The following ZNF717 variants were observed in gnomAD, a reference collection of about 807,000 sequenced individuals.
ZNF717 encodes the protein krueppel-like factor X17.
ZNF717 carries 9 observed loss-of-function variants against 13.8 expected under a neutral mutation model. The ratio of observed to expected loss-of-function variants is 0.65; its 90% CI spans 0.39 to 1.14. The LOEUF is 1.14. Among genes scored for constraint, ZNF717 ranks in the 50% most tolerant of loss-of-function variants. The pLI is 0.01. For missense variants in ZNF717, 1,040 were observed against 1,080.7 expected (o/e 0.96, Z 0.53); for synonymous variants, 327 against 364.1 (o/e 0.90, Z 1.16).
chr3:75,759,414 T>C (rs1942781788), intron 2 of ZNF717, among the ~76,000 whole-genome samples: 1 of 151,510 alleles, frequency 6.6e-6, no homozygotes, highest in Admixed American at 6.6e-5. Flanking sequence ...TAGCTGGAAG[T>C]ACAGGCACCC....
chr3:75,776,547 C>A (rs1944340999), intron 2 of ZNF717, among the ~76,000 whole-genome samples: 1 of 152,204 alleles, frequency 6.6e-6, no homozygotes, highest in Admixed American at 6.5e-5. Context: ...AACCCCTTCA[C>A]AATCTAGAAT....
intron 2 of ZNF717, among the ~76,000 whole-genome samples, chr3:75,743,527 C>G (rs1940739988): frequency 6.6e-6 from 1 of 152,124 alleles, no homozygotes; most frequent in South Asian, 2.1e-4. Flanking sequence ...ATAAGGAGGT[C>G]CAGTAAGGAC....
At chr3:75,731,238 G>GT (rs1938524811), downstream of ZNF717, among the ~76,000 whole-genome samples, 1 of 152,206 alleles carries the variant, frequency 6.6e-6, no homozygotes, top group Admixed American at 6.5e-5. Flanking sequence ...TTAGCGAAGT[G>GT]TGGTGGTGTG....
chr3:75,782,706 A>G (rs35908114), intron 2 of ZNF717, among the ~76,000 whole-genome samples: 1 of 137,988 alleles, frequency 7.2e-6, no homozygotes, highest in Non-Finnish European at 1.7e-5. Flanking sequence ...ACAACACACT[A>G]TGCTTTAGCA....
chr3:75,726,817 T>A (rs1205034252), downstream of ZNF717, among the ~76,000 whole-genome samples: 25 of 152,364 alleles, frequency 1.6e-4, no homozygotes, highest in African/African-American at 5.8e-4. Flanking sequence ...GGAAATCAGC[T>A]CCAGAATACC....
intron 2 of ZNF717, among the ~76,000 whole-genome samples, chr3:75,764,018 G>A (rs1943239193): frequency 6.6e-6 from 1 of 152,206 alleles, no homozygotes; most frequent in Non-Finnish European, 1.5e-5. Context: ...GACTACTCGT[G>A]AGGCTAACTA....
At chr3:75,774,611 T>G (rs1014482427) in intron 2 of ZNF717, among the ~76,000 whole-genome samples, 1 of 30,632 alleles carries the variant, frequency 3.3e-5, no homozygotes, top group East Asian at 4.9e-4. Context: ...ATTCTTGTGG[T>G]TTTTTTTTTT....
chr3:75,716,282 C>A (rs1938050470), intron 5 of ZNF717: 1 of 151,940 alleles, frequency 6.6e-6, no homozygotes, highest in South Asian at 2.1e-4. Flanking sequence ...ACATGCAGAT[C>A]AAAATATTAA....
At chr3:75,720,885 C>G (rs1332306036) in intron 4 of ZNF717, among the ~76,000 whole-genome samples, 2 of 152,212 alleles carry the variant, frequency 1.3e-5, no homozygotes, top group Non-Finnish European at 2.9e-5. Context: ...ACTCCTTCTT[C>G]TCTCTTCATT....
intron 2 of ZNF717, among the ~76,000 whole-genome samples, chr3:75,775,028 T>C (rs116528752): frequency 3.9e-4 from 53 of 135,876 alleles, no homozygotes; most frequent in Admixed American, 9.9e-4. Flanking sequence ...ATGGTGTGAT[T>C]GAGGCTCACT....
rs1944950772 is a variant in ZNF717, at chr3:75,783,382, T to C, written c.-2-18A>G. The C allele has an allele frequency of 6.5e-7, 1 of 1,548,440 alleles. No individual in the cohort carries two copies. Among genetic ancestry groups the C allele is most frequent in the East Asian group, 2.4e-5 (1 of 40,862 alleles). ...AAACATAGCTGAGAGAGAAGGCAAA[T>C]GACGTGAATTAAGGAGAGAACTGGT... is the stretch of plus-strand genomic sequence containing the variant. On this transcript the variant is annotated intron_variant, in intron 1 of 4. Transcript: ENST00000652011.
chr3:75,772,003 T>A (rs76824245), intron 2 of ZNF717, among the ~76,000 whole-genome samples: 3 of 151,606 alleles, frequency 2.0e-5, no homozygotes, highest in Non-Finnish European at 4.4e-5. Flanking sequence ...CCCTGTCACC[T>A]CGCCCCCCTC....
At chr3:75,726,781 A>T (rs1430064792), downstream of ZNF717, among the ~76,000 whole-genome samples, 1 of 152,084 alleles carries the variant, frequency 6.6e-6, no homozygotes, top group African/African-American at 2.4e-5. Flanking sequence ...TCATTTTCAA[A>T]GTGCAGTTGT....
At chr3:75,755,559 T>C (rs551145083) in intron 2 of ZNF717, among the ~76,000 whole-genome samples, 45 of 152,160 alleles carry the variant, frequency 3.0e-4, no homozygotes, top group African/African-American at 1.1e-3. Flanking sequence ...AGAATAATAA[T>C]ACAAGGAATG....
At chr3:75,725,846 G>A (rs1478055652), downstream of ZNF717, among the ~76,000 whole-genome samples, 7 of 152,188 alleles carry the variant, frequency 4.6e-5, no homozygotes, top group African/African-American at 1.2e-4. Context: ...ACAACAATTC[G>A]AGATTTGGGT....
intron 5 of ZNF717, among the ~76,000 whole-genome samples, chr3:75,714,501 T>C (rs1359421041): frequency 2.2e-4 from 33 of 152,036 alleles, no homozygotes; most frequent in African/African-American, 8.0e-4. Flanking sequence ...TAATGATTAA[T>C]GATATTCATT....
At chr3:75,725,427 T>C (rs1326061936), downstream of ZNF717, among the ~76,000 whole-genome samples, 1 of 152,374 alleles carries the variant, frequency 6.6e-6, no homozygotes, top group South Asian at 2.1e-4. Flanking sequence ...GTTCCACTCA[T>C]ATACAAAATC....
intron 2 of ZNF717, among the ~76,000 whole-genome samples, chr3:75,750,092 T>C (rs74956223): frequency 7.3e-6 from 1 of 136,210 alleles, no homozygotes; most frequent in Non-Finnish European, 1.6e-5. Flanking sequence ...AGGATACCAG[T>C]ACCCTGCTGC....
downstream of ZNF717, among the ~76,000 whole-genome samples, chr3:75,727,088 T>C (rs1414233761): frequency 2.0e-5 from 3 of 152,278 alleles, no homozygotes; most frequent in African/African-American, 7.2e-5. Context: ...CATGGACATT[T>C]ATTAGTTCCC....
Sources: gnomAD v4.1 joint callset for allele counts (sites outside exome capture counted in the v4.1 genomes callset) on GRCh38, gnomAD v4.1.1 for gene constraint, MANE v1.5 for transcripts, NCBI Gene and HGNC (gene_info 2026-07-23, HGNC 2026-07-21) for gene names.